The following TMEM164 variants were observed in gnomAD, a reference collection of about 807,000 sequenced individuals.
TMEM164 encodes the protein transmembrane protein 164, also known as RP13-360B22.2.
A neutral mutation model predicts 18.8 loss-of-function variants in TMEM164; 4 were observed. That is an observed-to-expected ratio of 0.21 (90% confidence interval 0.10 to 0.49). The LOEUF (loss-of-function observed/expected upper bound fraction) is 0.49, where lower values mean the gene tolerates loss of function less well. Ranked by LOEUF, TMEM164 falls within the 20% of genes least tolerant of loss-of-function variation. The pLI is 0.98. For missense variants in TMEM164, 108 were observed against 239.9 expected, an observed-to-expected ratio of 0.45 and a Z score of 3.63; for synonymous variants, 86 against 101.7, an observed-to-expected ratio of 0.85 and a Z score of 0.93.
chrX:110,084,415 A>G (rs1203322112), intron 3 of TMEM164, among the ~76,000 whole-genome samples: 47 of 93,945 alleles, frequency 5.0e-4, no homozygotes, highest in Non-Finnish European at 7.2e-4. Context: ...TATATAGTGT[A>G]TATATATATA....
intron 3 of TMEM164, among the ~76,000 whole-genome samples, chrX:110,071,496 T>C (rs1470357962): frequency 1.1e-4 from 12 of 110,178 alleles, no homozygotes; most frequent in Non-Finnish European, 2.3e-4. Flanking sequence ...GATACATTGC[T>C]GGGTTCTATT....
chrX:110,109,840 C>T (rs564888979), intron 4 of TMEM164, among the ~76,000 whole-genome samples: 17 of 111,980 alleles, frequency 1.5e-4, no homozygotes, highest in South Asian at 1.5e-3. Context: ...GCAGGAGCTA[C>T]GAGCCATGTC....
intron 2 of TMEM164, among the ~76,000 whole-genome samples, chrX:110,041,804 C>A (rs186979842): frequency 9.0e-6 from 1 of 111,274 alleles, no homozygotes; most frequent in Non-Finnish European, 1.9e-5. Context: ...TCTAATGGTA[C>A]AGTTCTGTGA....
intron 3 of TMEM164, among the ~76,000 whole-genome samples, chrX:110,070,007 A>G (rs904774393): frequency 8.9e-6 from 1 of 111,734 alleles, no homozygotes; most frequent in Admixed American, 9.5e-5. Context: ...ATTTGATTAC[A>G]TTAGGCTTTA....
At chrX:110,069,098 T>G (rs1159018836) in intron 3 of TMEM164, among the ~76,000 whole-genome samples, 1 of 111,762 alleles carries the variant, frequency 8.9e-6, no homozygotes, top group Non-Finnish European at 1.9e-5. Flanking sequence ...ATTCAATGCT[T>G]AAATCAACAT....
chrX:110,169,685 C>T (rs2067204279), intron 5 of TMEM164, among the ~76,000 whole-genome samples: 1 of 112,249 alleles, frequency 8.9e-6, no homozygotes, highest in Non-Finnish European at 1.9e-5. Context: ...GTTCTTAAAA[C>T]ATTTTGAATT....
At chrX:110,060,245 T>G (rs1602549682) in intron 2 of TMEM164, among the ~76,000 whole-genome samples, 1 of 78,793 alleles carries the variant, frequency 1.3e-5, no homozygotes, top group Non-Finnish European at 2.4e-5. Flanking sequence ...CCAGACTGGG[T>G]GACAAACCAA....
intron 4 of TMEM164, among the ~76,000 whole-genome samples, chrX:110,113,927 A>G (rs2066325628): frequency 8.9e-6 from 1 of 111,912 alleles, no homozygotes; most frequent in South Asian, 3.8e-4. Flanking sequence ...TTAAAGGGCA[A>G]TTTCCAGTGA....
Position 110,138,436 on chromosome X carries a change from C to T in TMEM164, c.508-6362C>T, listed in dbSNP as rs185175096. ...GCTGGAGATACCGATTGGGAGTCAT[C>T]AGTATACAGATGGTATCTAGAGCCA... On this transcript the variant is annotated intron_variant, in intron 4 of 6. Coordinates refer to ENST00000372068, the MANE Select transcript of TMEM164 (RefSeq NM_032227.4). 9.8e-5 allele frequency among the ~76,000 whole-genome samples: 11 copies of T among 111,916 alleles called. No individual in the cohort carries two copies. The East Asian group carries it at 3.1e-3, about 32-fold the overall frequency.
chrX:110,074,783 T>C (rs1262274625), intron 3 of TMEM164, among the ~76,000 whole-genome samples: 2 of 112,111 alleles, frequency 1.8e-5, no homozygotes, highest in South Asian at 3.6e-4. Context: ...TATGGCTTTA[T>C]ATCTGTGTTC....
intron 4 of TMEM164, among the ~76,000 whole-genome samples, chrX:110,129,307 G>A (rs1012372024): frequency 1.8e-5 from 2 of 112,663 alleles, no homozygotes; most frequent in Non-Finnish European, 3.7e-5. Context: ...TCTAGTACAC[G>A]TTTACACTGA....
chrX:110,014,744 C>CTTTTTTTTTTTTTTT (rs142705177), intron 2 of TMEM164, among the ~76,000 whole-genome samples: 2 of 54,238 alleles, frequency 3.7e-5, no homozygotes, highest in African/African-American at 1.5e-4. Context: ...TTGGTTGTTT[C>CTTTTTTTTTTTTTTT]TTTTTTTTTT....
intron 5 of TMEM164, among the ~76,000 whole-genome samples, chrX:110,160,983 C>T (rs2067085934): frequency 8.9e-6 from 1 of 112,382 alleles, no homozygotes; most frequent in African/African-American, 3.2e-5. Context: ...GCTGGGATTA[C>T]AGGCGTGAGC....
downstream of TMEM164, among the ~76,000 whole-genome samples, chrX:110,178,244 C>A (rs1382615586): frequency 8.9e-6 from 1 of 112,460 alleles, no homozygotes; most frequent in African/African-American, 3.2e-5. Context: ...CCAAGGCTAC[C>A]TGCTGAGCAG....
At chrX:110,095,738 G>T (rs1338264321) in intron 3 of TMEM164, among the ~76,000 whole-genome samples, 1 of 112,527 alleles carries the variant, frequency 8.9e-6, no homozygotes, top group Non-Finnish European at 1.9e-5. Context: ...GAGGAGCTAT[G>T]TTCCTTTGGA....
intron 5 of TMEM164, among the ~76,000 whole-genome samples, chrX:110,169,288 C>G (rs1005822308): frequency 2.7e-5 from 3 of 111,694 alleles, no homozygotes; most frequent in African/African-American, 9.8e-5. Flanking sequence ...CCAGTGATAC[C>G]CCAGCCAGAA....
chrX:110,171,566 C>A, intron 6 of TMEM164, 46 bp downstream of exon 6: 1 of 1,043,371 alleles, frequency 9.6e-7, no homozygotes, highest in Non-Finnish European at 1.3e-6. Context: ...TTGCAGTTCT[C>A]CATAAATCTT....
At chrX:110,045,501 C>T (rs927677460) in intron 2 of TMEM164, among the ~76,000 whole-genome samples, 1 of 111,473 alleles carries the variant, frequency 9.0e-6, no homozygotes, top group Non-Finnish European at 1.9e-5. Context: ...TCAGACAAAC[C>T]ACTCTGTGCC....
intron 4 of TMEM164, among the ~76,000 whole-genome samples, chrX:110,143,499 A>G (rs2066801664): frequency 9.0e-6 from 1 of 111,267 alleles, no homozygotes; most frequent in Non-Finnish European, 1.9e-5. Context: ...GGTGAGTGTA[A>G]AGTAATAGTT....
Sources: allele counts gnomAD v4.1 joint callset (sites outside exome capture counted in the v4.1 genomes callset), GRCh38; gene constraint gnomAD v4.1.1; transcripts MANE v1.5; gene names NCBI Gene and HGNC (gene_info 2026-07-23, HGNC 2026-07-21).